The following TERT variants were observed in gnomAD, a reference collection of about 807,000 sequenced individuals.
The protein encoded by TERT is telomerase reverse transcriptase.
TERT carries 42 observed loss-of-function variants against 104.0 expected under a neutral mutation model. The observed-to-expected ratio is 0.40, with a 90% CI of 0.32 to 0.52. The LOEUF (loss-of-function observed/expected upper bound fraction) is 0.52, where lower values mean the gene tolerates loss of function less well. Ranked by LOEUF, TERT falls within the 20% of genes least tolerant of loss-of-function variation. The probability of loss-of-function intolerance (pLI) is 0.43; values close to 1 mark genes in which losing one functional copy is unlikely to be tolerated. For synonymous variants in TERT, 781 were observed against 725.6 expected, an observed-to-expected ratio of 1.08 and a Z score of -1.23; for missense variants, 1,101 against 1,610.3, an observed-to-expected ratio of 0.68 and a Z score of 5.41.
rs1748761155 is a variant in TERT at position 1,268,318 on chromosome 5, G to A, written c.2582+202C>T. On this transcript the variant is annotated intron_variant, in intron 9 of 15. Transcript: ENST00000310581. This position sits in a 1 kb window ranked among gnomAD's most constrained non-coding sequence, Gnocchi z 5.5. ...CCTGAGGCCTCTGGACATGGCCGCT[G>A]GACAGAGCCTGCGTGGAGCCCGCAG... is the stretch of plus-strand genomic sequence containing the variant. Among the ~76,000 whole-genome samples the A allele has an allele frequency of 6.6e-6, 1 of 152,250 alleles. No homozygotes were observed. Among genetic ancestry groups the A allele is most frequent in the Non-Finnish European group, 1.5e-5 (1 of 68,028 alleles).
intron 6 of TERT, among the ~76,000 whole-genome samples, chr5:1,276,838 A>G (rs1749632349): frequency 6.6e-6 from 1 of 152,252 alleles, no homozygotes; most frequent in African/African-American, 2.4e-5. Context: ...ACAGCTGATA[A>G]AGTGGACTGC....
chr5:1,263,385 A>G lies in TERT; in HGVS notation c.2843+1019T>C, dbSNP rs946888103. Among the ~76,000 whole-genome samples the G allele has an allele frequency of 6.6e-6, 1 of 151,524 alleles. No homozygotes were observed. Among genetic ancestry groups the G allele is most frequent in the Admixed American group, 6.6e-5 (1 of 15,226 alleles). On this transcript the variant is annotated intron_variant, in intron 11 of 15. Transcript: ENST00000310581. This position sits in a 1 kb window ranked among gnomAD's most constrained non-coding sequence, Gnocchi z 5.3. ...CAGAATAAAAAAACACCTGTCCACT[A>G]TGGTTTTGGAATGCTGATACTTTTT...
chr5:1,262,006 A>T lies in TERT; in HGVS notation c.2844-1406T>A, dbSNP rs920588286. Among the ~76,000 whole-genome samples, 1 of 152,126 alleles carries T rather than the reference A, an allele frequency of 6.6e-6. No homozygotes were observed. Among genetic ancestry groups the T allele is most frequent in the Non-Finnish European group, 1.5e-5 (1 of 68,022 alleles). ...AACGCTCCAGGGAATGGCCATTTTC[A>T]CTGTGGCTCAGGCAAGCTGAGTTTC... On this transcript the variant is annotated intron_variant, in intron 11 of 15. Coordinates refer to ENST00000310581, the MANE Select transcript of TERT (RefSeq NM_198253.3). This position sits in a 1 kb window ranked among gnomAD's most constrained non-coding sequence, Gnocchi z 5.6.
intron 10 of TERT, 53 bp from the exon 11 acceptor site, chr5:1,264,645 G>A (rs1748470608): frequency 6.3e-7 from 1 of 1,592,112 alleles, no homozygotes; most frequent in African/African-American, 1.3e-5. Context: ...CACCCAGGAG[G>A]TAACCTGACA....
chr5:1,286,277 G>T lies in TERT; in HGVS notation c.1574-3653C>A, dbSNP rs1750478834. The stretch of plus-strand genomic sequence containing the variant: ...GGAGGCCAGCACAGGTAAAGCTGGG[G>T]TTTACCAGCAATAACAAGACAGAAG... On this transcript the variant is annotated intron_variant, in intron 2 of 15. Transcript: ENST00000310581. The surrounding 1 kb of genome is among the most constrained non-coding windows in gnomAD (Gnocchi z 5.3). 6.6e-6 allele frequency among the ~76,000 whole-genome samples: 1 copy of T among 152,210 alleles called. No homozygotes were observed. Among genetic ancestry groups the T allele is most frequent in the Non-Finnish European group, 1.5e-5 (1 of 68,048 alleles).
chr5:1,271,005 T>C, intron 8 of TERT, 114 bp downstream of exon 8: 1 of 843,676 alleles, frequency 1.2e-6, no homozygotes, highest in Non-Finnish European at 1.9e-6. Context: ...AAAAGGAGAC[T>C]CTGGTGGCCC....
chr5:1,267,266 C>G (rs1748677552), intron 9 of TERT, among the ~76,000 whole-genome samples: 1 of 152,232 alleles, frequency 6.6e-6, no homozygotes, highest in Admixed American at 6.5e-5. Flanking sequence ...GCTGTGTGGC[C>G]TGCAGGCTTC....
chr5:1,293,465 G>T lies in TERT; in HGVS notation c.1421C>A (p.Pro474His). The T allele has an allele frequency of 6.2e-7, 1 of 1,607,182 alleles. No individual in the cohort carries two copies. Among genetic ancestry groups the T allele is most frequent in the Non-Finnish European group, 8.5e-7 (1 of 1,177,610 alleles). Residue 474 changes from proline (P) to histidine (H), a missense_variant, in exon 2 of 16, where the codon CCC (proline) becomes CAC (histidine). Transcript: ENST00000310581. ...FVRACLRRLV[P>H]PGLWGSRHNE... is the part of the protein sequence containing the mutation. ...GTGCCTGGAGCCCCAGAGGCCTGGG[G>T]GCACCAGCCGGCGCAGGCAGGCCCG...
rs387907248 is a variant in TERT, at chr5:1,294,378, C to T, written c.508G>A (p.Val170Met). 38 of 1,579,148 alleles carry T rather than the reference C, an allele frequency of 2.4e-5. No homozygotes were observed. The highest frequency in any genetic ancestry group is 3.2e-5 in the Non-Finnish European group (37 of 1,170,584). Residue 170 changes from valine to methionine, a missense_variant, in exon 2 of 16, where the codon GTG (valine) becomes ATG (methionine). By Grantham distance (21) the Val-to-Met change is conservative (BLOSUM62 1). Transcript: ENST00000310581. Reference sequence around the variant, plus strand: ...AGCTGGTACAGCGGCGGCCCGCACACCTGGTAGGCGCAGCTGGGAGCCACC... The same window carrying T: ...AGCTGGTACAGCGGCGGCCCGCACATCTGGTAGGCGCAGCTGGGAGCCACC... ...VLVAPSCAYQVCGPPLYQLGA... is the reference protein window; with the variant it reads ...VLVAPSCAYQMCGPPLYQLGA...
In TERT at chr5:1,294,238, C is replaced by T. The variant is rs747206136; in HGVS notation, c.648G>A (p.Leu216=). The change falls in exon 2 of 16, where the codon CTG becomes CTA. Residue 216 remains leucine (L), a synonymous_variant. Coordinates refer to ENST00000310581, the MANE Select transcript of TERT (RefSeq NM_198253.3). ...CGCGCCTCCTCGCACCCGGGGCTGGCAGGCCCAGGGGGACCCCGGCCTCCC... is the reference window on the plus strand; with the variant it reads ...CGCGCCTCCTCGCACCCGGGGCTGGTAGGCCCAGGGGGACCCCGGCCTCCC... ...SVREAGVPLG[L]PAPGARRRGG... 1 of 1,588,974 alleles carries T rather than the reference C, an allele frequency of 6.3e-7. No individual in the cohort carries two copies.
At position 1,262,388 on chromosome 5, in the gene TERT, G is replaced by A. The variant is rs544357775; in HGVS notation, c.2844-1788C>T. ...GTTCTGACCACATTCTACCATCTGA[G>A]CTGTGGTTTGGGAGACTAAAATCTG... is the stretch of plus-strand genomic sequence containing the variant. On this transcript the variant is annotated intron_variant, in intron 11 of 15. Coordinates refer to ENST00000310581, the MANE Select transcript of TERT (RefSeq NM_198253.3). The surrounding 1 kb of genome is among the most constrained non-coding windows in gnomAD (Gnocchi z 5.6). Among the ~76,000 whole-genome samples, 2 of 152,312 alleles carry A rather than the reference G, an allele frequency of 1.3e-5. No homozygotes were observed. The highest frequency in any genetic ancestry group is 4.1e-4 in the South Asian group (2 of 4,824).
At position 1,270,613 on chromosome 5, in the gene TERT, G is replaced by A. The variant is rs575659890; in HGVS notation, c.2468+506C>T. Among the ~76,000 whole-genome samples the A allele has an allele frequency of 9.9e-5, 15 of 152,158 alleles. No homozygotes were observed. The highest frequency in any genetic ancestry group is 3.9e-4 in the Admixed American group (6 of 15,274). On this transcript the variant is annotated intron_variant, in intron 8 of 15. Transcript: ENST00000310581. The surrounding 1 kb of genome is among the most constrained non-coding windows in gnomAD (Gnocchi z 8.3). The stretch of plus-strand genomic sequence containing the variant: ...GCCCCCCGAGAGGAGCAAACTACAC[G>A]GTCAACCCCGCACTTTCCAGATGGG...
chr5:1,258,975 C>T (rs534037236), intron 12 of TERT, among the ~76,000 whole-genome samples: 19 of 142,336 alleles, frequency 1.3e-4, no homozygotes, highest in Admixed American at 3.5e-4. Context: ...GGAGTGGACG[C>T]GGATGCCCAC....
Position 1,274,802 on chromosome 5 carries a change from T to C in TERT, c.2287-2522A>G, listed in dbSNP as rs753276266. Among the ~76,000 whole-genome samples the C allele has an allele frequency of 3.2e-4, 49 of 152,138 alleles. No individual in the cohort carries two copies. Among genetic ancestry groups the C allele is most frequent in the Non-Finnish European group, 6.0e-4 (41 of 68,020 alleles). On this transcript the variant is annotated intron_variant, in intron 6 of 15. Coordinates refer to ENST00000310581, the MANE Select transcript of TERT (RefSeq NM_198253.3). The surrounding 1 kb of genome is among the most constrained non-coding windows in gnomAD (Gnocchi z 5.3). ...GGAAAACGGCAACTTCAGATGCTTG[T>C]TTAGAAAAGAAAGTTCAAACATCCA... is the stretch of plus-strand genomic sequence containing the variant.
Position 1,262,655 on chromosome 5 carries a change from T to C in TERT, c.2843+1749A>G, listed in dbSNP as rs966990867. On this transcript the variant is annotated intron_variant, in intron 11 of 15. Transcript: ENST00000310581. The surrounding 1 kb of genome is among the most constrained non-coding windows in gnomAD (Gnocchi z 5.6). ...AGAATATTCTGGCATTGGACCCACA[T>C]CTGATGACCTGATGCCCACCCATCC... Among the ~76,000 whole-genome samples the C allele has an allele frequency of 5.3e-5, 8 of 152,302 alleles. No individual in the cohort carries two copies. The highest frequency in any genetic ancestry group is 2.0e-4 in the Admixed American group (3 of 15,304).
At chr5:1,289,689 G>A (rs71593400) in intron 2 of TERT, among the ~76,000 whole-genome samples, 8 of 86,138 alleles carry the variant, frequency 9.3e-5, no homozygotes, top group South Asian at 3.8e-4. Flanking sequence ...CAATCACCCT[G>A]CACGTGACAG....
In TERT at chr5:1,263,221, G is replaced by C. The variant is rs1018660647; in HGVS notation, c.2843+1183C>G. On this transcript the variant is annotated intron_variant, in intron 11 of 15. Coordinates refer to ENST00000310581, the MANE Select transcript of TERT (RefSeq NM_198253.3). The surrounding 1 kb of genome is among the most constrained non-coding windows in gnomAD (Gnocchi z 5.3). ...AGTCCAGATCTGGACTGTTAACTCAGAACGACAGGACCCCAGTTTAAACCT... is the reference window on the plus strand; with the variant it reads ...AGTCCAGATCTGGACTGTTAACTCACAACGACAGGACCCCAGTTTAAACCT... 1.3e-5 allele frequency among the ~76,000 whole-genome samples: 2 copies of C among 152,194 alleles called. No individual in the cohort carries two copies. The highest frequency in any genetic ancestry group is 2.9e-5 in the Non-Finnish European group (2 of 68,034).
At chr5:1,264,334 G>A in intron 11 of TERT, 70 bp downstream of exon 11, 1 of 1,500,196 alleles carries the variant, frequency 6.7e-7, no homozygotes, top group Non-Finnish European at 9.0e-7. Flanking sequence ...AGCAGAGGTG[G>A]ACGCAACGGC....
chr5:1,278,142 C>T (rs184518207), intron 6 of TERT, among the ~76,000 whole-genome samples: 108 of 152,338 alleles, frequency 7.1e-4, no homozygotes, highest in African/African-American at 2.5e-3. Context: ...CTCCAAGGCC[C>T]AGCCCTGTGA....
Sources: allele counts gnomAD v4.1 joint callset (sites outside exome capture counted in the v4.1 genomes callset), GRCh38; gene constraint gnomAD v4.1.1; non-coding constraint Gnocchi (gnomAD v3.1); transcripts MANE v1.5; gene names NCBI Gene and HGNC (gene_info 2026-07-23, HGNC 2026-07-21).